XKR6: variants seen among roughly 807,000 people sequenced by gnomAD.
XKR6 encodes the protein XK related 6.
Under a neutral mutation model 56.7 loss-of-function variants are expected in XKR6, and 22 were observed. The observed-to-expected ratio is 0.39, with a 90% CI of 0.28 to 0.55. The LOEUF (loss-of-function observed/expected upper bound fraction) is 0.55. Ranked by LOEUF, XKR6 falls within the 20% of genes least tolerant of loss-of-function variation. The pLI is 0.66. For synonymous variants in XKR6, 524 were observed against 387.8 expected (o/e 1.35, Z -4.13); for missense variants, 852 against 889.0 (o/e 0.96, Z 0.53).
chr8:11,071,334 G>A (rs1800108459), intron 1 of XKR6, among the ~76,000 whole-genome samples: 1 of 152,132 alleles, frequency 6.6e-6, no homozygotes, highest in African/African-American at 2.4e-5. Context: ...CCACCTCCTG[G>A]GTTCAAGGGA....
intron 1 of XKR6, among the ~76,000 whole-genome samples, chr8:10,938,369 C>T (rs1305034256): frequency 6.6e-6 from 1 of 152,242 alleles, no homozygotes; most frequent in Non-Finnish European, 1.5e-5. Context: ...TTCTGCATCG[C>T]TCACGCTGGG....
chr8:11,091,644 C>G (rs566898416), intron 1 of XKR6, among the ~76,000 whole-genome samples: 3 of 152,002 alleles, frequency 2.0e-5, no homozygotes, highest in Admixed American at 6.6e-5. Flanking sequence ...ATGTGCTGCC[C>G]TGAGATGCCG....
chr8:11,155,467 C>T (rs2409718), intron 1 of XKR6, among the ~76,000 whole-genome samples: 87,982 of 152,130 alleles, frequency 0.58, 28,884 homozygotes, highest in African/African-American at 0.88. Context: ...GACTTCACAA[C>T]AGTTGTGCAT....
At chr8:11,100,338 A>C (rs58893927) in intron 1 of XKR6, among the ~76,000 whole-genome samples, 4,541 of 152,322 alleles carry the variant, frequency 0.03, 243 homozygotes, top group African/African-American at 0.1. Flanking sequence ...TACAAGTGTG[A>C]GCCAATCCAC....
At chr8:10,900,818 A>C (rs538145266) in intron 2 of XKR6, among the ~76,000 whole-genome samples, 1 of 146,388 alleles carries the variant, frequency 6.8e-6, no homozygotes, top group Non-Finnish European at 1.5e-5. Context: ...AATGTGATGT[A>C]GGTTGCAGAT....
At chr8:10,912,523 G>A (rs1335535548) in intron 2 of XKR6, among the ~76,000 whole-genome samples, 2 of 141,920 alleles carry the variant, frequency 1.4e-5, no homozygotes, top group African/African-American at 2.6e-5. Context: ...TACATAGAGA[G>A]AGTGAGTATA....
chr8:11,058,886 G>A (rs925908560), intron 1 of XKR6, among the ~76,000 whole-genome samples: 3 of 152,214 alleles, frequency 2.0e-5, no homozygotes, highest in African/African-American at 7.2e-5. Context: ...AGTCACTGTG[G>A]GATATTTAGA....
rs114503383 is a variant in XKR6 at position 11,147,329 on chromosome 8, A to G, written c.764+53247T>C. Among the ~76,000 whole-genome samples the G allele has an allele frequency of 2.1e-3, 324 of 152,302 alleles. 1 individual carries two copies. The highest frequency in any genetic ancestry group is 7.5e-3 in the African/African-American group (311 of 41,550). ...CAATAATAAGAAGCCAAACAACTCA[A>G]AACATGTGCATGAAATCTCAACGGA... On this transcript the variant is annotated intron_variant, in intron 1 of 2. Coordinates refer to ENST00000416569, the MANE Select transcript of XKR6 (RefSeq NM_173683.4).
intron 1 of XKR6, among the ~76,000 whole-genome samples, chr8:11,033,979 A>G (rs1289550962): frequency 3.3e-5 from 5 of 152,186 alleles, no homozygotes; most frequent in Non-Finnish European, 7.3e-5. Flanking sequence ...CTATAACCAC[A>G]TCCTCAAATT....
intron 1 of XKR6, among the ~76,000 whole-genome samples, chr8:11,060,602 T>C (rs1192325179): frequency 6.6e-6 from 1 of 152,170 alleles, no homozygotes; most frequent in African/African-American, 2.4e-5. Flanking sequence ...TACAAAGTCC[T>C]GACAAAGAGG....
At chr8:11,118,206 T>C (rs1375380370) in intron 1 of XKR6, among the ~76,000 whole-genome samples, 7 of 151,432 alleles carry the variant, frequency 4.6e-5, no homozygotes, top group African/African-American at 1.2e-4. Flanking sequence ...AAAGAAAAAA[T>C]CTGCAAAACA....
intron 1 of XKR6, among the ~76,000 whole-genome samples, chr8:10,925,762 T>A (rs1368309383): frequency 6.6e-6 from 1 of 152,172 alleles, no homozygotes; most frequent in Admixed American, 6.5e-5. Context: ...ATTAGTGAGA[T>A]GATATGCACA....
At chr8:11,118,850 G>T (rs1209378083) in intron 1 of XKR6, among the ~76,000 whole-genome samples, 1 of 152,118 alleles carries the variant, frequency 6.6e-6, no homozygotes, top group African/African-American at 2.4e-5. Context: ...CCTTCTGTTA[G>T]CTTTTGAATG....
At chr8:11,043,694 G>C (rs958489701) in intron 1 of XKR6, among the ~76,000 whole-genome samples, 5 of 152,152 alleles carry the variant, frequency 3.3e-5, no homozygotes, top group African/African-American at 1.2e-4. Flanking sequence ...CCACCTCTTG[G>C]CCAAGGGAAC....
intron 1 of XKR6, among the ~76,000 whole-genome samples, chr8:11,081,859 GCCT>G: frequency 6.6e-6 from 1 of 152,210 alleles, no homozygotes; most frequent in South Asian, 2.1e-4. Context: ...CTGCCTCTTG[GCCT>G]GTGTCAAAGA....
In XKR6 at chr8:10,965,010, C is replaced by T. The variant is rs144705394; in HGVS notation, c.765-40180G>A. On this transcript the variant is annotated intron_variant, in intron 1 of 2. Transcript: ENST00000416569. ...CAACCCTCCTCTTTACATCGCCTTCCCTTTCCTCTCTCTTAAAGGGACAGG... is the reference window on the plus strand; with the variant it reads ...CAACCCTCCTCTTTACATCGCCTTCTCTTTCCTCTCTCTTAAAGGGACAGG... Among the ~76,000 whole-genome samples the T allele has an allele frequency of 9.9e-3, 1,510 of 152,348 alleles. 14 individuals carry two copies. Among genetic ancestry groups the T allele is most frequent in the Admixed American group, 0.018 (281 of 15,306 alleles).
intron 1 of XKR6, chr8:11,137,862 A>C: frequency 2.7e-6 from 1 of 364,092 alleles, no homozygotes; most frequent in Non-Finnish European, 5.4e-6. Context: ...ATAATGGAAA[A>C]AGACTGATAT....
chr8:11,149,377 A>G (rs1320560038), intron 1 of XKR6, among the ~76,000 whole-genome samples: 3 of 152,344 alleles, frequency 2.0e-5, no homozygotes, highest in African/African-American at 7.2e-5. Flanking sequence ...CAGTAAAAAT[A>G]CAGTATTATA....
intron 1 of XKR6, among the ~76,000 whole-genome samples, chr8:11,162,226 A>T (rs1482560210): frequency 2.6e-5 from 4 of 151,996 alleles, no homozygotes; most frequent in African/African-American, 9.7e-5. Flanking sequence ...GGGAAAGTTG[A>T]GGAGAAGTGG....
Sources: gnomAD v4.1 joint callset for allele counts (sites outside exome capture counted in the v4.1 genomes callset) on GRCh38, gnomAD v4.1.1 for gene constraint, MANE v1.5 for transcripts, NCBI Gene and HGNC (gene_info 2026-07-23, HGNC 2026-07-21) for gene names.